The following SPMAP2L variants were observed in gnomAD, a reference collection of about 807,000 sequenced individuals.
SPMAP2L encodes the protein sperm microtubule associated protein 2 like, also known as sperm microtubule associated protein 2-like.
chr4:56,617,806 A>G, the SPMAP2L span, among the ~76,000 whole-genome samples: 1 of 152,122 alleles, frequency 6.6e-6, no homozygotes, highest in African/African-American at 2.4e-5. Context: ...TCAAAGTTTT[A>G]TTGAGTGGAA....
chr4:56,552,701 T>G, the SPMAP2L span: 13 of 755,656 alleles, frequency 1.7e-5, no homozygotes, highest in Non-Finnish European at 2.9e-5. Context: ...CACCTCTACT[T>G]AACTAGATCC....
chr4:56,611,889 A>C, the SPMAP2L span, among the ~76,000 whole-genome samples: 1 of 152,086 alleles, frequency 6.6e-6, no homozygotes, highest in African/African-American at 2.4e-5. Context: ...GCAGCCTCCA[A>C]TCAGAGCATA....
At chr4:56,552,546 T>C in the SPMAP2L span, 1 of 1,488,676 alleles carries the variant, frequency 6.7e-7, no homozygotes, top group Non-Finnish European at 9.1e-7. Context: ...TGCTATTTGT[T>C]AGTTTTTCTT....
the SPMAP2L span, among the ~76,000 whole-genome samples, chr4:56,582,278 A>G: frequency 4.5e-4 from 68 of 152,234 alleles, no homozygotes; most frequent in African/African-American, 1.5e-3. Context: ...AAAATAGGAG[A>G]AAATTATTGA....
the SPMAP2L span, among the ~76,000 whole-genome samples, chr4:56,551,226 C>T: frequency 2.5e-3 from 375 of 152,306 alleles, 1 homozygote; most frequent in African/African-American, 8.5e-3. Flanking sequence ...TCACCTGCCT[C>T]ATTATACATT....
the SPMAP2L span, among the ~76,000 whole-genome samples, chr4:56,536,248 A>C: frequency 6.6e-6 from 1 of 152,188 alleles, no homozygotes; most frequent in Non-Finnish European, 1.5e-5. Flanking sequence ...CCTCACCTTG[A>C]ACTTGACCTG....
At chr4:56,578,436 CA>C in the SPMAP2L span, among the ~76,000 whole-genome samples, 1 of 151,576 alleles carries the variant, frequency 6.6e-6, no homozygotes, top group Non-Finnish European at 1.5e-5. Flanking sequence ...AACAAAGGAA[CA>C]AAAAATATAT....
At chr4:56,540,172 G>A in the SPMAP2L span, among the ~76,000 whole-genome samples, 1 of 152,158 alleles carries the variant, frequency 6.6e-6, no homozygotes, top group South Asian at 2.1e-4. Context: ...AGTACTATTT[G>A]CATCCCCATT....
the SPMAP2L span, among the ~76,000 whole-genome samples, chr4:56,565,069 T>C: frequency 6.6e-6 from 1 of 152,218 alleles, no homozygotes; most frequent in Admixed American, 6.5e-5. Flanking sequence ...TGAAACTTTT[T>C]TATGTCCCAG....
At chr4:56,579,183 A>T in the SPMAP2L span, among the ~76,000 whole-genome samples, 1 of 152,166 alleles carries the variant, frequency 6.6e-6, no homozygotes, top group South Asian at 2.1e-4. Context: ...TACATGGAAC[A>T]TTCTCTAGGA....
chr4:56,603,258 C>G, the SPMAP2L span: 1 of 1,535,006 alleles, frequency 6.5e-7, no homozygotes, highest in Non-Finnish European at 8.7e-7. Flanking sequence ...TAAAACCAAG[C>G]CAGCTGCTTT....
chr4:56,551,611 C>G, the SPMAP2L span, among the ~76,000 whole-genome samples: 1 of 152,192 alleles, frequency 6.6e-6, no homozygotes, highest in African/African-American at 2.4e-5. Flanking sequence ...CAGTTGGTTT[C>G]TAAAGATGGT....
the SPMAP2L span, among the ~76,000 whole-genome samples, chr4:56,579,434 A>G: frequency 6.6e-6 from 1 of 152,044 alleles, no homozygotes; most frequent in African/African-American, 2.4e-5. Context: ...ATGCAGCTAA[A>G]GTAGTGGTTA....
At chr4:56,567,503 T>C in the SPMAP2L span, among the ~76,000 whole-genome samples, 1 of 144,346 alleles carries the variant, frequency 6.9e-6, no homozygotes, top group Non-Finnish European at 1.5e-5. Flanking sequence ...TTGGCCAGGC[T>C]GGTCTCCAAC....
the SPMAP2L span, among the ~76,000 whole-genome samples, chr4:56,577,409 T>C: frequency 6.6e-6 from 1 of 152,144 alleles, no homozygotes; most frequent in Non-Finnish European, 1.5e-5. Flanking sequence ...AAGATCTGGA[T>C]TGGCCATACT....
the SPMAP2L span, among the ~76,000 whole-genome samples, chr4:56,541,852 G>T: frequency 6.6e-6 from 1 of 151,890 alleles, no homozygotes; most frequent in Non-Finnish European, 1.5e-5. Flanking sequence ...GTCTTCCTAG[G>T]TTGCCCAGGC....
At chr4:56,556,240 T>C in the SPMAP2L span, among the ~76,000 whole-genome samples, 1 of 152,290 alleles carries the variant, frequency 6.6e-6, no homozygotes, top group East Asian at 1.9e-4. Flanking sequence ...AGAGAAATAG[T>C]GATAGCCTAT....
chr4:56,617,063 G>T, the SPMAP2L span, among the ~76,000 whole-genome samples: 2 of 152,250 alleles, frequency 1.3e-5, no homozygotes, highest in East Asian at 3.9e-4. Flanking sequence ...TACATCATGT[G>T]TCACTTGATG....
the SPMAP2L span, chr4:56,594,301 T>A: frequency 1.3e-6 from 2 of 1,542,470 alleles, no homozygotes; most frequent in Non-Finnish European, 1.8e-6. Flanking sequence ...ACATTTCCCT[T>A]GTTCACAGCA....
Sources: allele counts gnomAD v4.1 joint callset (sites outside exome capture counted in the v4.1 genomes callset), GRCh38; gene constraint gnomAD v4.1.1; transcripts MANE v1.5; gene names NCBI Gene and HGNC (gene_info 2026-07-23, HGNC 2026-07-21).